The following RASGRF2 variants were observed in gnomAD, a reference collection of about 807,000 sequenced individuals.
RASGRF2 encodes ras-specific guanine nucleotide-releasing factor 2.
In RASGRF2, 76 loss-of-function variants were observed where a neutral mutation model predicts 151.0. The observed-to-expected ratio is 0.50, with a 90% confidence interval of 0.42 to 0.61. The LOEUF (loss-of-function observed/expected upper bound fraction) is 0.61, where lower values mean the gene tolerates loss of function less well. Among genes scored for constraint, RASGRF2 ranks in the 20% least tolerant of loss-of-function variants. RASGRF2 has a pLI of 0.00. For missense variants in RASGRF2, 1,148 were observed against 1,564.6 expected, an observed-to-expected ratio of 0.73 and a Z score of 4.49; for synonymous variants, 504 against 566.5, an observed-to-expected ratio of 0.89 and a Z score of 1.57.
intron 1 of RASGRF2, among the ~76,000 whole-genome samples, chr5:81,014,857 T>A (rs1474991370): frequency 3.9e-5 from 6 of 152,212 alleles, no homozygotes; most frequent in Admixed American, 3.3e-4. Context: ...TTGTACATAG[T>A]CATTATATAT....
intron 22 of RASGRF2, among the ~76,000 whole-genome samples, chr5:81,211,166 T>A (rs964001523): frequency 7.0e-6 from 1 of 143,374 alleles, no homozygotes. Context: ...AAAAAAAGAC[T>A]CAGTGCAGGC....
chr5:81,026,475 C>T (rs953570434), intron 1 of RASGRF2, among the ~76,000 whole-genome samples: 1 of 152,122 alleles, frequency 6.6e-6, no homozygotes, highest in Non-Finnish European at 1.5e-5. Flanking sequence ...CACTGGAACT[C>T]TTGGCCCACA....
intron 17 of RASGRF2, 73 bp downstream of exon 17, chr5:81,127,236 C>G (rs1753481692): frequency 7.0e-7 from 1 of 1,431,680 alleles, no homozygotes. Context: ...CTGCCAGTGT[C>G]TTGATGAGAC....
chr5:81,058,805 G>A (rs942036502), intron 2 of RASGRF2, among the ~76,000 whole-genome samples: 4 of 147,434 alleles, frequency 2.7e-5, no homozygotes, highest in Admixed American at 1.3e-4. Context: ...AAAAAAGAGA[G>A]TGTGTAAAAT....
intron 1 of RASGRF2, among the ~76,000 whole-genome samples, chr5:81,013,733 A>G (rs1009383239): frequency 6.6e-6 from 1 of 152,064 alleles, no homozygotes; most frequent in Non-Finnish European, 1.5e-5. Context: ...GAAAGCTACT[A>G]TTACTGGAAC....
Position 80,993,108 on chromosome 5 carries a change from A to G in RASGRF2, c.288+32082A>G, listed in dbSNP as rs1259476082. Among the ~76,000 whole-genome samples, 6 of 152,162 alleles carry G rather than the reference A, an allele frequency of 3.9e-5. No homozygotes were observed. The East Asian group carries it at 1.2e-3, about 29-fold the overall frequency. On this transcript the variant is annotated intron_variant, in intron 1 of 26. Transcript: ENST00000265080. ...GCCATTTTTCAATCTGTCCTTTGCTAGAGGTTGATGGCATAATGTCTATGC... is the reference window on the plus strand; with the variant it reads ...GCCATTTTTCAATCTGTCCTTTGCTGGAGGTTGATGGCATAATGTCTATGC...
At chr5:81,191,667 A>G (rs567332529) in intron 18 of RASGRF2, among the ~76,000 whole-genome samples, 1 of 101,980 alleles carries the variant, frequency 9.8e-6, no homozygotes, top group East Asian at 2.1e-4. Flanking sequence ...AAAACACAGC[A>G]TCTGAAAAAA....
chr5:81,161,030 CTAA>C (rs2112638457), intron 17 of RASGRF2, among the ~76,000 whole-genome samples: 1 of 152,172 alleles, frequency 6.6e-6, no homozygotes, highest in East Asian at 1.9e-4. Context: ...CATAAAAGTT[CTAA>C]TAATATCCAA....
chr5:81,149,155 A>T (rs112134095), intron 17 of RASGRF2, among the ~76,000 whole-genome samples: 6,581 of 152,352 alleles, frequency 0.043, 187 homozygotes, highest in Middle Eastern at 0.065. Flanking sequence ...ATAAGTCATT[A>T]TATGACAAAG....
chr5:81,106,082 A>C (rs935380828), intron 12 of RASGRF2, among the ~76,000 whole-genome samples: 1 of 152,362 alleles, frequency 6.6e-6, no homozygotes, highest in East Asian at 1.9e-4. Flanking sequence ...AATTCAAAAC[A>C]TAGACTGTCT....
At chr5:81,044,685 AGGCATATT>A (rs1249453012) in intron 2 of RASGRF2, among the ~76,000 whole-genome samples, 1 of 152,200 alleles carries the variant, frequency 6.6e-6, no homozygotes, top group African/African-American at 2.4e-5. Context: ...AATTTGTGAC[AGGCATATT>A]GGCCAAGTTC....
intron 2 of RASGRF2, among the ~76,000 whole-genome samples, chr5:81,062,973 A>G (rs991113789): frequency 1.3e-5 from 2 of 152,110 alleles, no homozygotes; most frequent in African/African-American, 4.8e-5. Context: ...TGCAGGCTCA[A>G]AATATTTTCT....
intron 17 of RASGRF2, among the ~76,000 whole-genome samples, chr5:81,140,296 G>T (rs1753852768): frequency 6.6e-6 from 1 of 151,954 alleles, no homozygotes; most frequent in Non-Finnish European, 1.5e-5. Context: ...CTACTGGAGG[G>T]TATCCTAGTT....
At chr5:81,155,777 TAGAG>T (rs1478293957) in intron 17 of RASGRF2, among the ~76,000 whole-genome samples, 2 of 152,046 alleles carry the variant, frequency 1.3e-5, no homozygotes, top group Non-Finnish European at 2.9e-5. Flanking sequence ...TCTCAACAGA[TAGAG>T]AGACAGGAGA....
intron 18 of RASGRF2, among the ~76,000 whole-genome samples, chr5:81,195,898 G>C (rs1438859523): frequency 6.6e-6 from 1 of 152,180 alleles, no homozygotes; most frequent in Non-Finnish European, 1.5e-5. Context: ...TGGCCGATAT[G>C]TGACGGGAGA....
At chr5:81,183,727 C>T (rs1204999632) in intron 18 of RASGRF2, among the ~76,000 whole-genome samples, 1 of 152,206 alleles carries the variant, frequency 6.6e-6, no homozygotes, top group Non-Finnish European at 1.5e-5. Flanking sequence ...GACCAGTGTT[C>T]TTACTCCAGC....
chr5:81,021,695 A>G (rs1749831816), intron 1 of RASGRF2, among the ~76,000 whole-genome samples: 1 of 152,174 alleles, frequency 6.6e-6, no homozygotes, highest in South Asian at 2.1e-4. Context: ...CTGCTGTAAT[A>G]TGTGGTTCTA....
Position 81,186,586 on chromosome 5 carries a change from AAC to A in RASGRF2, c.2793+6307_2793+6308del, listed in dbSNP as rs1468662923. Among the ~76,000 whole-genome samples, 3 of 152,238 alleles carry A rather than the reference AAC, an allele frequency of 2.0e-5. No individual in the cohort carries two copies. The East Asian group carries it at 5.8e-4, about 29-fold the overall frequency. On this transcript the variant is annotated intron_variant, in intron 18 of 26. Coordinates refer to ENST00000265080, the MANE Select transcript of RASGRF2 (RefSeq NM_006909.3). ...GACACACACACGCGCACACACACAAAACAGAGTCCTTTTCACTCTTTCATTAA... is the reference window on the plus strand; with the variant it reads ...GACACACACACGCGCACACACACAAAAGAGTCCTTTTCACTCTTTCATTAA...
chr5:81,153,916 G>T (rs536464756), intron 17 of RASGRF2, among the ~76,000 whole-genome samples: 47 of 141,638 alleles, frequency 3.3e-4, no homozygotes, highest in African/African-American at 1.3e-3. Context: ...TGGCTCTACT[G>T]ATAAAATAGA....
Sources: allele counts gnomAD v4.1 joint callset (sites outside exome capture counted in the v4.1 genomes callset), GRCh38; gene constraint gnomAD v4.1.1; transcripts MANE v1.5; gene names NCBI Gene and HGNC (gene_info 2026-07-23, HGNC 2026-07-21).